Variants in CSMD1 observed in about 807,000 individuals in gnomAD.
The protein encoded by CSMD1 is CUB and sushi domain-containing protein 1.
In CSMD1, 213 loss-of-function variants were observed where a neutral mutation model predicts 417.5. The observed-to-expected ratio is 0.51, with a 90% confidence interval of 0.46 to 0.57. The LOEUF is 0.57. Among genes scored for constraint, CSMD1 ranks in the 20% least tolerant of loss-of-function variants. The pLI is 0.00. For synonymous variants in CSMD1, 2,862 were observed against 1,736.8 expected, an observed-to-expected ratio of 1.65 and a Z score of -16.11; for missense variants, 6,923 against 4,529.7, an observed-to-expected ratio of 1.53 and a Z score of -15.17.
chr8:4,473,334 A>G (rs932635450), intron 2 of CSMD1, among the ~76,000 whole-genome samples: 1 of 152,224 alleles, frequency 6.6e-6, no homozygotes, highest in East Asian at 1.9e-4. Context: ...AAATCAGCAG[A>G]GACAACCTGA....
At chr8:4,812,859 T>C (rs1183072613) in intron 1 of CSMD1, among the ~76,000 whole-genome samples, 1 of 152,184 alleles carries the variant, frequency 6.6e-6, no homozygotes, top group Non-Finnish European at 1.5e-5. Flanking sequence ...ATTGATATGT[T>C]ATCGCTATGT....
At chr8:3,018,164 A>T (rs985798338) in intron 52 of CSMD1, among the ~76,000 whole-genome samples, 1 of 152,244 alleles carries the variant, frequency 6.6e-6, no homozygotes, top group Non-Finnish European at 1.5e-5. Flanking sequence ...AAAAACATAA[A>T]ATGTACAATA....
intron 26 of CSMD1, 102 bp from the exon 27 acceptor site, chr8:3,230,333 T>C: frequency 1.2e-6 from 1 of 855,032 alleles, no homozygotes; most frequent in South Asian, 2.3e-5. Flanking sequence ...TTCATTGGCC[T>C]AATAAGTCAT....
chr8:4,298,656 T>A (rs1004316426), intron 3 of CSMD1, among the ~76,000 whole-genome samples: 3 of 152,244 alleles, frequency 2.0e-5, no homozygotes, highest in African/African-American at 7.2e-5. Flanking sequence ...TTTAATACAG[T>A]TCTAAGAAGT....
intron 26 of CSMD1, among the ~76,000 whole-genome samples, chr8:3,272,408 A>G (rs922409093): frequency 1.3e-5 from 2 of 151,084 alleles, no homozygotes; most frequent in African/African-American, 4.8e-5. Context: ...TGACTTGGCA[A>G]TGTGGGCTCC....
At chr8:4,352,496 C>G (rs904342479) in intron 3 of CSMD1, among the ~76,000 whole-genome samples, 1 of 152,084 alleles carries the variant, frequency 6.6e-6, no homozygotes, top group Non-Finnish European at 1.5e-5. Flanking sequence ...TTCAGTGAAT[C>G]AAGTTTGAAG....
At chr8:4,563,478 T>A (rs1798443802) in intron 2 of CSMD1, among the ~76,000 whole-genome samples, 1 of 152,098 alleles carries the variant, frequency 6.6e-6, no homozygotes, top group Non-Finnish European at 1.5e-5. Context: ...AGGCACAGGC[T>A]CTCCCGTTCA....
chr8:3,320,669 G>T (rs1368200054), intron 23 of CSMD1, among the ~76,000 whole-genome samples: 1 of 152,188 alleles, frequency 6.6e-6, no homozygotes, highest in African/African-American at 2.4e-5. Context: ...CAAGAGCGCA[G>T]TTCCTCCTTT....
At chr8:3,223,564 T>C (rs901195380) in intron 28 of CSMD1, among the ~76,000 whole-genome samples, 165 bp downstream of exon 28, 1 of 152,222 alleles carries the variant, frequency 6.6e-6, no homozygotes, top group Non-Finnish European at 1.5e-5. Context: ...CAAAATACTG[T>C]ATTTCCATTT....
chr8:4,464,069 C>G (rs1345858073), intron 2 of CSMD1, among the ~76,000 whole-genome samples: 1 of 152,170 alleles, frequency 6.6e-6, no homozygotes, highest in African/African-American at 2.4e-5. Context: ...GGTAAGAAGA[C>G]TGAAAGAAAC....
At chr8:3,238,114 G>A (rs892225907) in intron 26 of CSMD1, among the ~76,000 whole-genome samples, 8 of 151,888 alleles carry the variant, frequency 5.3e-5, no homozygotes, top group Non-Finnish European at 1.5e-5. Context: ...GATACGGGTG[G>A]GGCCGTTTTA....
intron 17 of CSMD1, among the ~76,000 whole-genome samples, chr8:3,394,955 A>G (rs1409116429): frequency 1.3e-5 from 2 of 152,168 alleles, no homozygotes; most frequent in Non-Finnish European, 2.9e-5. Flanking sequence ...AAATCTTAAG[A>G]TATACATGCA....
At chr8:3,782,564 G>T (rs906649376) in intron 5 of CSMD1, among the ~76,000 whole-genome samples, 1 of 152,136 alleles carries the variant, frequency 6.6e-6, no homozygotes, top group Admixed American at 6.5e-5. Flanking sequence ...GTTGATGGGC[G>T]CAGCAAACCA....
chr8:4,361,411 G>A (rs906338049), intron 3 of CSMD1, among the ~76,000 whole-genome samples: 1 of 152,110 alleles, frequency 6.6e-6, no homozygotes, highest in African/African-American at 2.4e-5. Context: ...CTCAGGCACT[G>A]CTTCTAAGTA....
At chr8:4,235,472 G>C (rs1489171020) in intron 3 of CSMD1, among the ~76,000 whole-genome samples, 1 of 151,914 alleles carries the variant, frequency 6.6e-6, no homozygotes. Flanking sequence ...GTGTGATTTG[G>C]AAACCTAATT....
intron 7 of CSMD1, among the ~76,000 whole-genome samples, chr8:3,661,789 G>T (rs1042704389): frequency 3.3e-5 from 5 of 152,148 alleles, no homozygotes; most frequent in African/African-American, 1.2e-4. Flanking sequence ...GAGCCACCAT[G>T]ACCGGCAAAC....
intron 26 of CSMD1, among the ~76,000 whole-genome samples, chr8:3,242,275 C>G (rs188324818): frequency 2.0e-5 from 3 of 150,906 alleles, no homozygotes; most frequent in East Asian, 3.9e-4. Context: ...AGATTTGGGA[C>G]CTAGCTCGGC....
At chr8:4,280,071 C>G (rs956928524) in intron 3 of CSMD1, among the ~76,000 whole-genome samples, 1 of 152,220 alleles carries the variant, frequency 6.6e-6, no homozygotes, top group Non-Finnish European at 1.5e-5. Context: ...CGTTAACTAA[C>G]GCGTTGAAAA....
In CSMD1 at chr8:4,898,803, T is replaced by C. The variant is rs549719469; in HGVS notation, c.85+95529A>G. Among the ~76,000 whole-genome samples, 3 of 152,264 alleles carry C rather than the reference T, an allele frequency of 2.0e-5. No homozygotes were observed. In the South Asian group the frequency reaches 6.2e-4, roughly 32 times the overall value. ...TGAAATGAAAACTGCATAATAAATA[T>C]TTATATTTTCTATTAATCAAAAGTT... is the stretch of plus-strand genomic sequence containing the variant. On this transcript the variant is annotated intron_variant, in intron 1 of 69. Transcript: ENST00000635120.
Sources: gnomAD v4.1 joint callset for allele counts (sites outside exome capture counted in the v4.1 genomes callset) on GRCh38, gnomAD v4.1.1 for gene constraint, MANE v1.5 for transcripts, NCBI Gene and HGNC (gene_info 2026-07-23, HGNC 2026-07-21) for gene names.